MRPL3: variants seen among roughly 807,000 people sequenced by gnomAD.
The protein encoded by MRPL3 is mitochondrial ribosomal protein L3, also known as large ribosomal subunit protein uL3m.
A neutral mutation model predicts 44.3 loss-of-function variants in MRPL3; 43 were observed. The ratio of observed to expected loss-of-function variants is 0.97; its 90% CI spans 0.76 to 1.25. The LOEUF is 1.25. Ranked by LOEUF, MRPL3 falls within the 50% of genes most tolerant of loss-of-function variation. The probability of loss-of-function intolerance (pLI) is 0.00; values close to 1 mark genes in which losing one functional copy is unlikely to be tolerated. For synonymous variants in MRPL3, 171 were observed against 152.3 expected (o/e 1.12, Z -0.91); for missense variants, 406 against 427.6 (o/e 0.95, Z 0.45).
At chr3:131,476,909 G>T (rs1486230) in intron 6 of MRPL3, among the ~76,000 whole-genome samples, 112,398 of 152,068 alleles carry the variant, frequency 0.74, 42,788 homozygotes, top group African/African-American at 0.9. Flanking sequence ...CAGTTTCCAA[G>T]TATTGTATAA....
At chr3:131,499,384 A>G (rs191109074) in intron 3 of MRPL3, among the ~76,000 whole-genome samples, 2 of 152,328 alleles carry the variant, frequency 1.3e-5, no homozygotes, top group Admixed American at 6.5e-5. Flanking sequence ...TGGAATTGCT[A>G]GACTACAGGC....
intron 4 of MRPL3, among the ~76,000 whole-genome samples, chr3:131,494,165 C>T (rs1192843387): frequency 6.6e-6 from 1 of 152,220 alleles, no homozygotes; most frequent in Non-Finnish European, 1.5e-5. Flanking sequence ...ACTTTGATGT[C>T]CACTGAAGAC....
At position 131,500,517 on chromosome 3, in the gene MRPL3, G is replaced by A; in HGVS notation, c.282C>T (p.Ser94=). ...PWPIHPWEPG[S]FRVGLIALKL... ...TCAAGGCAATAAGACCAACTCTAAA[G>A]GAACCTGGCAATTAAAACCAAAGCA... The change falls in exon 3 of 10, where the codon TCC becomes TCT. Residue 94 remains serine, a synonymous_variant. Coordinates refer to ENST00000264995, the MANE Select transcript of MRPL3 (RefSeq NM_007208.4). 1 of 1,613,228 alleles carries A rather than the reference G, an allele frequency of 6.2e-7. No homozygotes were observed. The highest frequency in any genetic ancestry group is 8.5e-7 in the Non-Finnish European group (1 of 1,179,510).
At chr3:131,480,592 C>T (rs967004941) in intron 6 of MRPL3, among the ~76,000 whole-genome samples, 3 of 152,190 alleles carry the variant, frequency 2.0e-5, no homozygotes, top group African/African-American at 7.2e-5. Flanking sequence ...AAAGAGTCAA[C>T]TGTGCAGTGA....
intron 4 of MRPL3, among the ~76,000 whole-genome samples, chr3:131,494,486 C>T (rs902662724): frequency 6.6e-6 from 1 of 152,254 alleles, no homozygotes; most frequent in Middle Eastern, 3.4e-3. Flanking sequence ...ACCTATTCCA[C>T]GTGATTTTCA....
chr3:131,480,077 T>C (rs1025634511), intron 6 of MRPL3, among the ~76,000 whole-genome samples: 1 of 152,230 alleles, frequency 6.6e-6, no homozygotes, highest in East Asian at 1.9e-4. Flanking sequence ...AAAAGGCTTA[T>C]TAGCTAGCTG....
At chr3:131,493,039 T>C (rs1206523696) in intron 4 of MRPL3, among the ~76,000 whole-genome samples, 1 of 152,172 alleles carries the variant, frequency 6.6e-6, no homozygotes, top group East Asian at 1.9e-4. Flanking sequence ...CAATATAACA[T>C]AGTACATCTA....
chr3:131,477,254 T>C lies in MRPL3; in HGVS notation c.630-5975A>G, dbSNP rs559710665. Among the ~76,000 whole-genome samples the C allele has an allele frequency of 3.3e-5, 5 of 152,314 alleles. No homozygotes were observed. The South Asian group carries it at 8.3e-4, about 25-fold the overall frequency. The stretch of plus-strand genomic sequence containing the variant: ...GACCATATACCTGCTTTTAAACCCA[T>C]CCATTCTGTGTCCTCTGAGAACTTC... On this transcript the variant is annotated intron_variant, in intron 6 of 9. Coordinates refer to ENST00000264995, the MANE Select transcript of MRPL3 (RefSeq NM_007208.4).
intron 8 of MRPL3, among the ~76,000 whole-genome samples, chr3:131,468,711 A>C: frequency 6.6e-6 from 1 of 152,258 alleles, no homozygotes; most frequent in East Asian, 1.9e-4. Flanking sequence ...CTAATAATGA[A>C]TAAGTATTAA....
At chr3:131,467,272 A>C (rs1476024292) in intron 9 of MRPL3, among the ~76,000 whole-genome samples, 5 of 151,500 alleles carry the variant, frequency 3.3e-5, no homozygotes, top group Non-Finnish European at 5.9e-5. Context: ...ACACACACAC[A>C]CCCACCACAT....
chr3:131,492,155 T>C (rs1203064498), intron 4 of MRPL3, among the ~76,000 whole-genome samples: 5 of 152,196 alleles, frequency 3.3e-5, no homozygotes. Flanking sequence ...CCTTGTCTAA[T>C]TACTCAATCT....
At chr3:131,468,063 G>GAAA in intron 9 of MRPL3, 28 bp downstream of exon 9, 1 of 1,139,690 alleles carries the variant, frequency 8.8e-7, no homozygotes, top group South Asian at 1.8e-5. Flanking sequence ...AAAAAAAAAG[G>GAAA]AAAAAAAAAG....
At chr3:131,489,550 G>A (rs1286101184) in intron 5 of MRPL3, among the ~76,000 whole-genome samples, 1 of 152,020 alleles carries the variant, frequency 6.6e-6, no homozygotes. Context: ...CCACGGATTA[G>A]GCAAAATATC....
At position 131,462,666 on chromosome 3, in the gene MRPL3, T is replaced by C; in HGVS notation, c.*57A>G. On this transcript the variant is annotated 3_prime_UTR_variant, in exon 10 of 10. Transcript: ENST00000264995. ...AGTATGATTTCTGGTGGTTATGATA[T>C]CACTCTGGCTCATCGAAGCTCACAG... The C allele has an allele frequency of 6.7e-7, 1 of 1,483,906 alleles. No homozygotes were observed. 91.9% of individuals were successfully genotyped at this position (1,483,906 alleles called of 1,614,324 possible). A position where few individuals can be genotyped will look rare whatever the true frequency, so the allele number is the denominator to read the frequency against.
At chr3:131,476,653 A>G (rs1402074939) in intron 6 of MRPL3, among the ~76,000 whole-genome samples, 2 of 152,330 alleles carry the variant, frequency 1.3e-5, no homozygotes, top group East Asian at 3.9e-4. Context: ...GAAGACATAA[A>G]AGATGTATTT....
intron 6 of MRPL3, among the ~76,000 whole-genome samples, chr3:131,474,758 CT>C (rs1224217435): frequency 1.4e-5 from 2 of 144,332 alleles, no homozygotes; most frequent in African/African-American, 5.0e-5. Context: ...CTGTACTAGA[CT>C]TTTTAATTTT....
chr3:131,498,232 T>C lies in MRPL3; in HGVS notation c.415A>G (p.Asn139Asp). Residue 139 changes from asparagine (N) to aspartate (D), a missense_variant, in exon 4 of 10, where the codon AAT becomes GAT. Physicochemically the swap from Asn to Asp is conservative, Grantham distance 23. Transcript: ENST00000264995. ...ACAGACAGGGTTGCCATTTTTCCAT[T>C]ACAGTTTTCCTTTGACGTATATTTT... ...VLKYTSKENC[N>D]GKMATLSVGG... 1 of 1,612,832 alleles carries C rather than the reference T, an allele frequency of 6.2e-7. No individual in the cohort carries two copies.
chr3:131,499,943 A>T (rs1934456794), intron 3 of MRPL3, among the ~76,000 whole-genome samples: 2 of 152,214 alleles, frequency 1.3e-5, no homozygotes, highest in South Asian at 4.1e-4. Context: ...ACACACTAGT[A>T]AGTGGCAGAA....
At chr3:131,502,427 G>T (rs1266589087) in intron 1 of MRPL3, among the ~76,000 whole-genome samples, 2 of 152,178 alleles carry the variant, frequency 1.3e-5, no homozygotes, top group Non-Finnish European at 2.9e-5. Flanking sequence ...CTCCCGTGAG[G>T]CTACATAAGG....
Sources: allele counts gnomAD v4.1 joint callset (sites outside exome capture counted in the v4.1 genomes callset), GRCh38; gene constraint gnomAD v4.1.1; transcripts MANE v1.5; gene names NCBI Gene and HGNC (gene_info 2026-07-23, HGNC 2026-07-21).